The following EDN1 variants were observed in gnomAD, a reference collection of about 807,000 sequenced individuals.
EDN1 encodes the protein endothelin 1, also known as endothelin-1.
A neutral mutation model predicts 21.7 loss-of-function variants in EDN1; 11 were observed. That is an observed-to-expected ratio of 0.51 (90% CI 0.32 to 0.84). EDN1 has a LOEUF of 0.84. Among genes scored for constraint, EDN1 ranks in the 40% least tolerant of loss-of-function variants. The pLI, the probability that EDN1 is intolerant of heterozygous loss-of-function variation, is 0.03. For synonymous variants in EDN1, 85 were observed against 90.6 expected, an observed-to-expected ratio of 0.94 and a Z score of 0.35; for missense variants, 244 against 262.3, an observed-to-expected ratio of 0.93 and a Z score of 0.48.
the EDN1 span, among the ~76,000 whole-genome samples, chr6:12,236,930 C>T: frequency 1.2e-4 from 18 of 151,538 alleles, no homozygotes; most frequent in Admixed American, 5.3e-4. Context: ...CACCCATTAA[C>T]TCATCATTTA....
the EDN1 span, among the ~76,000 whole-genome samples, chr6:12,263,418 A>T: frequency 6.6e-6 from 1 of 152,226 alleles, no homozygotes; most frequent in Admixed American, 6.5e-5. Flanking sequence ...TTGATGGAGA[A>T]TAAAAATTCA....
At chr6:12,257,082 T>C in the EDN1 span, among the ~76,000 whole-genome samples, 1 of 152,228 alleles carries the variant, frequency 6.6e-6, no homozygotes, top group Non-Finnish European at 1.5e-5. Context: ...CATTTGATGT[T>C]GCTAATCTAA....
the EDN1 span, among the ~76,000 whole-genome samples, chr6:12,256,888 G>C: frequency 6.6e-6 from 1 of 152,104 alleles, no homozygotes; most frequent in Non-Finnish European, 1.5e-5. Context: ...ACTATTTCAG[G>C]AGTAATGGTC....
the EDN1 span, among the ~76,000 whole-genome samples, chr6:12,246,375 A>AT: frequency 6.6e-6 from 1 of 152,204 alleles, no homozygotes; most frequent in Non-Finnish European, 1.5e-5. Flanking sequence ...ACTTCTTAAC[A>AT]TTTGAGAAAA....
At chr6:12,241,166 C>CTTTTTTTTTTTT in the EDN1 span, among the ~76,000 whole-genome samples, 2 of 138,358 alleles carry the variant, frequency 1.4e-5, no homozygotes, top group Non-Finnish European at 1.5e-5. Flanking sequence ...TTCTTTCTTT[C>CTTTTTTTTTTTT]TTTTTTTTTT....
chr6:12,291,959 A>G (rs1434149986), intron 1 of EDN1, among the ~76,000 whole-genome samples: 1 of 152,222 alleles, frequency 6.6e-6, no homozygotes, highest in African/African-American at 2.4e-5. Flanking sequence ...GCCAATGTTA[A>G]GTAAGCTTCA....
At chr6:12,232,478 G>A in the EDN1 span, among the ~76,000 whole-genome samples, 3 of 152,140 alleles carry the variant, frequency 2.0e-5, no homozygotes, top group Admixed American at 6.5e-5. Context: ...ATCATTTCAA[G>A]AGGACAAATG....
the EDN1 span, among the ~76,000 whole-genome samples, chr6:12,241,790 C>T: frequency 6.6e-6 from 1 of 152,158 alleles, no homozygotes; most frequent in South Asian, 2.1e-4. Flanking sequence ...CTCTTGCATT[C>T]TCTAGTAGGT....
At chr6:12,295,792 C>A (rs559048730) in intron 4 of EDN1, among the ~76,000 whole-genome samples, 170 bp from the exon 5 acceptor site, 1 of 152,160 alleles carries the variant, frequency 6.6e-6, no homozygotes, top group Non-Finnish European at 1.5e-5. Flanking sequence ...TTTATTTTTA[C>A]AATGGTAATA....
At chr6:12,276,441 A>T in the EDN1 span, among the ~76,000 whole-genome samples, 4 of 152,228 alleles carry the variant, frequency 2.6e-5, no homozygotes, top group African/African-American at 9.6e-5. Context: ...AACAAAGATG[A>T]AAAAAGTACA....
the EDN1 span, among the ~76,000 whole-genome samples, chr6:12,238,369 G>A: frequency 3.9e-5 from 6 of 152,172 alleles, no homozygotes; most frequent in East Asian, 3.9e-4. Flanking sequence ...CAAGTCCTGC[G>A]TCATGGGGAA....
At chr6:12,275,915 C>A in the EDN1 span, among the ~76,000 whole-genome samples, 2 of 152,020 alleles carry the variant, frequency 1.3e-5, no homozygotes, top group African/African-American at 4.8e-5. Context: ...GTAATCCCAG[C>A]ACTTTGGGAG....
At chr6:12,290,743 T>G (rs754197345) in intron 1 of EDN1, 50 bp downstream of exon 1, 4 of 1,485,412 alleles carry the variant, frequency 2.7e-6, no homozygotes, top group Non-Finnish European at 3.8e-6. Context: ...GTTAGTGTGT[T>G]CTTATCCACC....
At chr6:12,290,303 T>C (rs1762637531), upstream of EDN1, 1 of 371,624 alleles carries the variant, frequency 2.7e-6, no homozygotes, top group East Asian at 6.2e-5. Context: ...GTCGGAGCTG[T>C]TTACCCCCAC....
intron 4 of EDN1, among the ~76,000 whole-genome samples, chr6:12,295,026 A>G (rs1005719974): frequency 4.0e-5 from 6 of 151,004 alleles, no homozygotes; most frequent in Admixed American, 6.6e-5. Flanking sequence ...GGGACAGAGA[A>G]GGGATCTGGA....
chr6:12,265,426 G>C, the EDN1 span, among the ~76,000 whole-genome samples: 2 of 152,112 alleles, frequency 1.3e-5, no homozygotes, highest in Non-Finnish European at 2.9e-5. Context: ...ATCAGGGTGT[G>C]GTCTAACCCA....
At chr6:12,295,867 T>G in intron 4 of EDN1, 95 bp from the exon 5 acceptor site, 6 of 1,283,204 alleles carry the variant, frequency 4.7e-6, no homozygotes, top group East Asian at 2.4e-5. Context: ...CAGATTCAGG[T>G]TTTGTTTGTG....
At chr6:12,236,576 A>G in the EDN1 span, among the ~76,000 whole-genome samples, 1 of 152,136 alleles carries the variant, frequency 6.6e-6, no homozygotes, top group South Asian at 2.1e-4. Flanking sequence ...CCAAACAATT[A>G]ATAATAAAAG....
chr6:12,276,348 G>A, the EDN1 span, among the ~76,000 whole-genome samples: 4 of 152,262 alleles, frequency 2.6e-5, no homozygotes, highest in African/African-American at 9.6e-5. Context: ...GGAACTCCAC[G>A]TATGCTATGA....
Sources: gnomAD v4.1 joint callset for allele counts (sites outside exome capture counted in the v4.1 genomes callset) on GRCh38, gnomAD v4.1.1 for gene constraint, MANE v1.5 for transcripts, NCBI Gene and HGNC (gene_info 2026-07-23, HGNC 2026-07-21) for gene names.